The following GIGYF2 variants were observed in gnomAD, a reference collection of about 807,000 sequenced individuals.
GIGYF2 encodes the protein GRB10-interacting GYF protein 2.
GIGYF2 carries 25 observed loss-of-function variants against 208.1 expected under a neutral mutation model. The observed-to-expected ratio is 0.12, with a 90% CI of 0.09 to 0.17. The LOEUF is 0.17. Among genes scored for constraint, GIGYF2 ranks in the 10% least tolerant of loss-of-function variants. The pLI, the probability that GIGYF2 is intolerant of heterozygous loss-of-function variation, is 1.00. For synonymous variants in GIGYF2, 534 were observed against 543.8 expected (o/e 0.98, Z 0.25); for missense variants, 1,302 against 1,579.4 (o/e 0.82, Z 2.98).
chr2:232,802,335 G>T (rs1700423686), intron 14 of GIGYF2, among the ~76,000 whole-genome samples: 1 of 151,872 alleles, frequency 6.6e-6, no homozygotes, highest in Non-Finnish European at 1.5e-5. Context: ...ATCTCCTAAT[G>T]TTAGAGGAAA....
At chr2:232,735,074 C>T (rs1022248303) in intron 2 of GIGYF2, 81 bp from the exon 3 acceptor site, 3 of 698,590 alleles carry the variant, frequency 4.3e-6, no homozygotes, top group South Asian at 1.7e-5. Context: ...ATAAATAAAA[C>T]ACTCTCTAAC....
chr2:232,737,907 C>CTTTT (rs11320395), intron 3 of GIGYF2, among the ~76,000 whole-genome samples: 2 of 85,218 alleles, frequency 2.3e-5, no homozygotes, highest in Non-Finnish European at 4.5e-5. Context: ...TAAGCTTTAA[C>CTTTT]TTTTTTTTTT....
At chr2:232,720,146 C>A (rs2106270782) in intron 2 of GIGYF2, among the ~76,000 whole-genome samples, 1 of 152,266 alleles carries the variant, frequency 6.6e-6, no homozygotes, top group Non-Finnish European at 1.5e-5. Context: ...ACCCTGTGTC[C>A]AAGTGTTCTC....
In GIGYF2 at chr2:232,855,044, C is replaced by T. The variant is rs182708008; in HGVS notation, c.3833-1749C>T. 2.7e-5 allele frequency among the ~76,000 whole-genome samples: 4 copies of T among 150,414 alleles called. No homozygotes were observed. The East Asian group carries it at 7.8e-4, about 29-fold the overall frequency. On this transcript the variant is annotated intron_variant, in intron 28 of 28. Coordinates refer to ENST00000373563, the MANE Select transcript of GIGYF2 (RefSeq NM_001103146.3). Reference sequence around the variant, plus strand: ...AAATTACATACATGTGACCATTGGGCATTCGGCATTAGGTTTTCTTTTTTT... The same window carrying T: ...AAATTACATACATGTGACCATTGGGTATTCGGCATTAGGTTTTCTTTTTTT...
intron 22 of GIGYF2, among the ~76,000 whole-genome samples, chr2:232,837,071 G>A (rs914025616): frequency 6.6e-6 from 1 of 152,184 alleles, no homozygotes; most frequent in Non-Finnish European, 1.5e-5. Context: ...CAGCTGCATT[G>A]GTGATCACGA....
At chr2:232,826,020 C>T (rs1701236049) in intron 21 of GIGYF2, among the ~76,000 whole-genome samples, 1 of 152,146 alleles carries the variant, frequency 6.6e-6, no homozygotes, top group South Asian at 2.1e-4. Flanking sequence ...CATGTCCCTG[C>T]AAAGGACATG....
At chr2:232,745,718 C>T (rs564789376) in intron 3 of GIGYF2, among the ~76,000 whole-genome samples, 4 of 152,120 alleles carry the variant, frequency 2.6e-5, no homozygotes, top group African/African-American at 7.2e-5. Context: ...TAATCACTTA[C>T]AACCTTAGTG....
intron 3 of GIGYF2, among the ~76,000 whole-genome samples, chr2:232,737,186 C>T (rs1325560286): frequency 6.6e-6 from 1 of 152,224 alleles, no homozygotes; most frequent in Non-Finnish European, 1.5e-5. Flanking sequence ...CCCTGCCCTA[C>T]ACCATGAGTT....
At chr2:232,720,138 C>T (rs564500409) in intron 2 of GIGYF2, among the ~76,000 whole-genome samples, 5 of 152,266 alleles carry the variant, frequency 3.3e-5, no homozygotes, top group South Asian at 2.1e-4. Context: ...TGTTCCCCAC[C>T]CTGTGTCCAA....
intron 1 of GIGYF2, among the ~76,000 whole-genome samples, chr2:232,698,776 C>A (rs1408913058): frequency 1.3e-5 from 2 of 152,162 alleles, no homozygotes; most frequent in African/African-American, 2.4e-5. Context: ...AATTTAACAT[C>A]AAGGAATACA....
chr2:232,762,238 G>GTTTTTT (rs11301320), intron 8 of GIGYF2, among the ~76,000 whole-genome samples: 1 of 129,140 alleles, frequency 7.7e-6, no homozygotes, highest in African/African-American at 2.8e-5. Flanking sequence ...TTTTTTTTTT[G>GTTTTTT]TTTTTTTTTT....
chr2:232,856,882 A>G lies in GIGYF2; in HGVS notation c.*22A>G. ...CTGAGCACCTGCCAGTGGACTGGCC[A>G]TCCCTCTCCTGTCTGCCGACTATGG... On this transcript the variant is annotated 3_prime_UTR_variant, in exon 29 of 29. Coordinates refer to ENST00000373563, the MANE Select transcript of GIGYF2 (RefSeq NM_001103146.3). 1.3e-6 allele frequency: 2 copies of G among 1,548,342 alleles called. No homozygotes were observed. The highest frequency in any genetic ancestry group is 1.8e-6 in the Non-Finnish European group (2 of 1,119,910).
intron 20 of GIGYF2, among the ~76,000 whole-genome samples, chr2:232,817,319 A>G (rs566403899): frequency 3.9e-5 from 6 of 152,316 alleles, no homozygotes; most frequent in African/African-American, 1.4e-4. Context: ...AACAATGAGA[A>G]AGTAACTTTG....
intron 8 of GIGYF2, among the ~76,000 whole-genome samples, chr2:232,769,761 T>G (rs771556997): frequency 3.3e-5 from 5 of 152,136 alleles, no homozygotes; most frequent in Non-Finnish European, 5.9e-5. Context: ...AGAATTATGT[T>G]TTAAGTGCTT....
At chr2:232,740,874 A>C (rs74935657) in intron 3 of GIGYF2, among the ~76,000 whole-genome samples, 3 of 152,204 alleles carry the variant, frequency 2.0e-5, no homozygotes, top group Admixed American at 1.3e-4. Context: ...TGTAAACTGA[A>C]GGAGTAGTAA....
At chr2:232,850,699 A>T (rs1229329053) in intron 28 of GIGYF2, among the ~76,000 whole-genome samples, 1 of 152,176 alleles carries the variant, frequency 6.6e-6, no homozygotes, top group Non-Finnish European at 1.5e-5. Context: ...GATCCTGAGT[A>T]ATTTAGTTGG....
intron 14 of GIGYF2, among the ~76,000 whole-genome samples, chr2:232,804,362 T>C (rs1700491134): frequency 6.6e-6 from 1 of 151,698 alleles, no homozygotes; most frequent in Non-Finnish European, 1.5e-5. Context: ...TACATGTAGA[T>C]TTACATCTGA....
At chr2:232,811,051 C>T (rs1700719248) in intron 16 of GIGYF2, 193 bp from the exon 17 acceptor site, 1 of 549,350 alleles carries the variant, frequency 1.8e-6, no homozygotes, top group South Asian at 2.1e-5. Flanking sequence ...TCTATGAGTT[C>T]AGTTCTTTCT....
At chr2:232,824,690 G>T (rs1701196182) in intron 21 of GIGYF2, among the ~76,000 whole-genome samples, 2 of 152,236 alleles carry the variant, frequency 1.3e-5, no homozygotes. Context: ...TTATCCAGAT[G>T]CCCTACTTAA....
Sources: allele counts gnomAD v4.1 joint callset (sites outside exome capture counted in the v4.1 genomes callset), GRCh38; gene constraint gnomAD v4.1.1; transcripts MANE v1.5; gene names NCBI Gene and HGNC (gene_info 2026-07-23, HGNC 2026-07-21).